SPDYE12: variants seen among roughly 807,000 people sequenced by gnomAD.
The protein encoded by SPDYE12 is speedy protein E12.
At chr7:74,904,760 A>C in the SPDYE12 span, among the ~76,000 whole-genome samples, 1 of 150,032 alleles carries the variant, frequency 6.7e-6, no homozygotes, top group South Asian at 2.1e-4. Context: ...AGTATTTCCA[A>C]AATATTTAAA....
the SPDYE12 span, among the ~76,000 whole-genome samples, chr7:74,909,078 A>G: frequency 6.3e-5 from 7 of 111,512 alleles, no homozygotes; most frequent in East Asian, 5.4e-4. Context: ...TTTTGAGAAA[A>G]AGTCTCACTC....
At chr7:74,908,816 G>T in the SPDYE12 span, among the ~76,000 whole-genome samples, 14 of 148,594 alleles carry the variant, frequency 9.4e-5, no homozygotes, top group South Asian at 3.0e-3. Context: ...TGGGACTACA[G>T]GCGCCCGCCA....
At chr7:74,908,068 C>T in the SPDYE12 span, among the ~76,000 whole-genome samples, 1 of 149,922 alleles carries the variant, frequency 6.7e-6, no homozygotes, top group Non-Finnish European at 1.5e-5. Context: ...GAGCTACGGG[C>T]ATGCAGAAGT....
chr7:74,913,323 GAC>G, the SPDYE12 span: 2 of 1,167,444 alleles, frequency 1.7e-6, no homozygotes, highest in Admixed American at 4.4e-5. Flanking sequence ...TCTTCTTCTG[GAC>G]ACTGCTGGGA....
the SPDYE12 span, chr7:74,910,793 C>T: frequency 7.4e-5 from 97 of 1,304,202 alleles, 2 homozygotes; most frequent in African/African-American, 7.6e-4. Flanking sequence ...TCCCCCTGGC[C>T]GTGCGTTAGA....
At chr7:74,910,235 G>T in the SPDYE12 span, among the ~76,000 whole-genome samples, 6 of 144,866 alleles carry the variant, frequency 4.1e-5, no homozygotes, top group African/African-American at 7.6e-5. Flanking sequence ...AGTTGAGCAT[G>T]GTAGCATGTG....
chr7:74,907,617 G>A, the SPDYE12 span, among the ~76,000 whole-genome samples: 1 of 150,576 alleles, frequency 6.6e-6, no homozygotes, highest in South Asian at 2.1e-4. Flanking sequence ...ATTAGTCCTA[G>A]CTACTCAAGA....
chr7:74,911,008 C>T, the SPDYE12 span: 60 of 816,030 alleles, frequency 7.4e-5, 2 homozygotes, highest in Admixed American at 3.5e-4. Context: ...ATTGTGGCTG[C>T]GGGTGAGGTG....
chr7:74,908,932 C>A, the SPDYE12 span, among the ~76,000 whole-genome samples: 1 of 149,362 alleles, frequency 6.7e-6, no homozygotes, highest in Non-Finnish European at 1.5e-5. Flanking sequence ...CCGCCCACCT[C>A]GGCCTCCCAA....
chr7:74,908,949 G>A, the SPDYE12 span, among the ~76,000 whole-genome samples: 1 of 145,946 alleles, frequency 6.9e-6, no homozygotes, highest in Non-Finnish European at 1.5e-5. Flanking sequence ...CCAAACTGTT[G>A]AGATTACAGG....
chr7:74,904,581 C>A, the SPDYE12 span, among the ~76,000 whole-genome samples: 4 of 151,454 alleles, frequency 2.6e-5, no homozygotes, highest in African/African-American at 9.7e-5. Flanking sequence ...AAAAACCATG[C>A]TCCCCTTCAG....
chr7:74,907,836 C>T, the SPDYE12 span, among the ~76,000 whole-genome samples: 1 of 149,356 alleles, frequency 6.7e-6, no homozygotes, highest in African/African-American at 2.5e-5. Context: ...GTGGGAGGAT[C>T]GCTTGAGCCC....
chr7:74,908,672 T>G, the SPDYE12 span, among the ~76,000 whole-genome samples: 1 of 104,546 alleles, frequency 9.6e-6, no homozygotes, highest in Admixed American at 9.9e-5. Flanking sequence ...TTTTTTTTTT[T>G]TTTTTTTTTT....
chr7:74,908,710 G>C, the SPDYE12 span, among the ~76,000 whole-genome samples: 1 of 98,824 alleles, frequency 1.0e-5, no homozygotes, highest in Non-Finnish European at 1.8e-5. Flanking sequence ...GTCTCATTCT[G>C]TCGCCCAGGC....
chr7:74,907,564 T>C, the SPDYE12 span, among the ~76,000 whole-genome samples: 1 of 150,628 alleles, frequency 6.6e-6, no homozygotes, highest in Non-Finnish European at 1.5e-5. Context: ...AAACCCCATC[T>C]ATACTAAAAA....
the SPDYE12 span, among the ~76,000 whole-genome samples, chr7:74,907,732 G>GATAAATAAATAAATAA: frequency 6.8e-5 from 9 of 131,744 alleles, no homozygotes; most frequent in African/African-American, 9.4e-5. Context: ...CTCTTGTCTT[G>GATAAATAAATAAATAA]ATAAATAAAT....
At chr7:74,910,012 G>C in the SPDYE12 span, among the ~76,000 whole-genome samples, 1 of 150,922 alleles carries the variant, frequency 6.6e-6, no homozygotes, top group African/African-American at 2.4e-5. Context: ...GGGGAGGCAG[G>C]GGCCACTCAT....
At chr7:74,907,717 C>G in the SPDYE12 span, among the ~76,000 whole-genome samples, 1 of 148,026 alleles carries the variant, frequency 6.8e-6, no homozygotes, top group South Asian at 2.1e-4. Flanking sequence ...AGAGACACAG[C>G]AACACTCTTG....
At chr7:74,908,564 C>T in the SPDYE12 span, among the ~76,000 whole-genome samples, 3 of 138,896 alleles carry the variant, frequency 2.2e-5, no homozygotes, top group African/African-American at 8.0e-5. Context: ...AGAGAAGAAC[C>T]GGAAACGTCT....
Sources: allele counts gnomAD v4.1 joint callset (sites outside exome capture counted in the v4.1 genomes callset), GRCh38; gene constraint gnomAD v4.1.1; transcripts MANE v1.5; gene names NCBI Gene and HGNC (gene_info 2026-07-23, HGNC 2026-07-21).